KIF5B: variants seen among roughly 807,000 people sequenced by gnomAD.
The protein encoded by KIF5B is kinesin family member 5B.
In KIF5B, 49 loss-of-function variants were observed where a neutral mutation model predicts 132.8. The ratio of observed to expected loss-of-function variants is 0.37; its 90% CI spans 0.29 to 0.47. The LOEUF is 0.47. Ranked by LOEUF, KIF5B falls within the 20% of genes least tolerant of loss-of-function variation. The probability of loss-of-function intolerance (pLI) is 1.00; values close to 1 mark genes in which losing one functional copy is unlikely to be tolerated. For synonymous variants in KIF5B, 355 were observed against 369.4 expected, an observed-to-expected ratio of 0.96 and a Z score of 0.45; for missense variants, 780 against 1,144.0, an observed-to-expected ratio of 0.68 and a Z score of 4.59.
chr10:32,046,129 C>A (rs1351018705), intron 2 of KIF5B, among the ~76,000 whole-genome samples: 1 of 151,986 alleles, frequency 6.6e-6, no homozygotes, highest in Non-Finnish European at 1.5e-5. Flanking sequence ...TAAAGGTTTG[C>A]TCTCCAAAGT....
intron 2 of KIF5B, among the ~76,000 whole-genome samples, 169 bp from the exon 3 acceptor site, chr10:32,040,626 A>AACACACACACACAC (rs72393080): frequency 9.1e-5 from 13 of 142,180 alleles, no homozygotes; most frequent in African/African-American, 2.6e-4. Flanking sequence ...AACACCCTAA[A>AACACACACACACAC]ACACACACAC....
At chr10:32,018,223 C>G in intron 22 of KIF5B, 67 bp from the exon 23 acceptor site, 1 of 1,447,184 alleles carries the variant, frequency 6.9e-7, no homozygotes. Context: ...CAAAAATTGA[C>G]GTGACTGTAA....
At chr10:32,017,549 C>G (rs1414896068) in intron 23 of KIF5B, among the ~76,000 whole-genome samples, 190 bp from the exon 24 acceptor site, 1 of 152,210 alleles carries the variant, frequency 6.6e-6, no homozygotes, top group Non-Finnish European at 1.5e-5. Context: ...AGTTTATTCA[C>G]AAAGGTATAA....
In KIF5B at chr10:32,018,118, A is replaced by G; in HGVS notation, c.2478T>C (p.Ala826=). Residue 826 remains alanine (A), a synonymous_variant, in exon 23 of 26, where the codon GCT becomes GCC. Transcript: ENST00000302418. ...EIDSDDTGGS[A]AQKQKISFLE... ...GAAAGGAGATTTTTTGCTTCTGAGCAGCGCTGCCTCCGGTGTCATCAGAAT... is the reference window on the plus strand; with the variant it reads ...GAAAGGAGATTTTTTGCTTCTGAGCGGCGCTGCCTCCGGTGTCATCAGAAT... The G allele has an allele frequency of 6.2e-7, 1 of 1,612,176 alleles. No homozygotes were observed. The highest frequency in any genetic ancestry group is 8.5e-7 in the Non-Finnish European group (1 of 1,178,696).
At chr10:32,039,283 T>C (rs760449705) in intron 4 of KIF5B, 44 bp downstream of exon 4, 3 of 734,740 alleles carry the variant, frequency 4.1e-6, no homozygotes, top group Admixed American at 5.6e-5. Flanking sequence ...TAGAACATTA[T>C]TCTTGCTGTA....
chr10:32,047,324 A>C (rs1361256350), intron 2 of KIF5B, among the ~76,000 whole-genome samples: 1 of 151,692 alleles, frequency 6.6e-6, no homozygotes, highest in Non-Finnish European at 1.5e-5. Context: ...TAACTTAACC[A>C]CCTTAGATCC....
At chr10:32,014,571 T>G (rs557593364) in intron 25 of KIF5B, among the ~76,000 whole-genome samples, 22 of 144,398 alleles carry the variant, frequency 1.5e-4, no homozygotes, top group South Asian at 4.6e-4. Context: ...GAGAGAGAGA[T>G]AGTATATTGT....
rs753689396 is a variant in KIF5B at position 32,056,208 on chromosome 10, GC to G, written c.-236del. 7 of 484,446 alleles carry G rather than the reference GC, an allele frequency of 1.4e-5. No homozygotes were observed. Among genetic ancestry groups the G allele is most frequent in the Non-Finnish European group, 2.2e-5 (6 of 277,334 alleles). The allele number at this position is 484,446 out of a possible 1,614,324, so 30.0% of individuals were successfully genotyped here. On this transcript the variant is annotated 5_prime_UTR_variant, in exon 1 of 26. Coordinates refer to ENST00000302418, the MANE Select transcript of KIF5B (RefSeq NM_004521.3). Reference sequence around the variant, plus strand: ...ATCCATCATGGCAGCCATGGCGGCGGCAGCGGCGGCGGCACCGGGGAGAGCG... The same window carrying G: ...ATCCATCATGGCAGCCATGGCGGCGGAGCGGCGGCGGCACCGGGGAGAGCG...
intron 5 of KIF5B, 29 bp from the exon 6 acceptor site, chr10:32,038,247 A>ATTTGTT: frequency 6.6e-7 from 1 of 1,518,198 alleles, no homozygotes; most frequent in Non-Finnish European, 9.1e-7. Context: ...TGTTAGCAAC[A>ATTTGTT]TTCTCCTAAA....
Position 32,010,008 on chromosome 10 carries a change from G to A in KIF5B, c.*1529C>T, listed in dbSNP as rs1185198458. 1 of 151,884 alleles carries A rather than the reference G, an allele frequency of 6.6e-6. No individual in the cohort carries two copies. Among genetic ancestry groups the A allele is most frequent in the Admixed American group, 6.6e-5 (1 of 15,244 alleles). 9.4% of individuals were successfully genotyped at this position (151,884 alleles called of 1,614,324 possible). Reference sequence around the variant, plus strand: ...CAAAAGTGGAAATTACAATAGTTACGGAAATAGAAAAATAAGCCAATTATG... The same window carrying A: ...CAAAAGTGGAAATTACAATAGTTACAGAAATAGAAAAATAAGCCAATTATG... On this transcript the variant is annotated 3_prime_UTR_variant, in exon 26 of 26. Coordinates refer to ENST00000302418, the MANE Select transcript of KIF5B (RefSeq NM_004521.3).
At chr10:32,045,667 A>G (rs931112126) in intron 2 of KIF5B, among the ~76,000 whole-genome samples, 4 of 152,242 alleles carry the variant, frequency 2.6e-5, no homozygotes, top group African/African-American at 9.6e-5. Flanking sequence ...TTATGGAAAT[A>G]AGTATACCAA....
chr10:32,024,393 A>G (rs1431834020), intron 15 of KIF5B, among the ~76,000 whole-genome samples: 1 of 147,122 alleles, frequency 6.8e-6, no homozygotes, highest in African/African-American at 2.5e-5. Context: ...TGACCTCGTG[A>G]TCCGCCCGCC....
At position 32,048,457 on chromosome 10, in the gene KIF5B, T is replaced by C. The variant is rs1405570278; in HGVS notation, c.214+7A>G. Reference sequence around the variant, plus strand: ...CTGAGACAACTCAGCAGGTTGAATATATTTACCTTTAACAATCTTCTTTGC... The same window carrying C: ...CTGAGACAACTCAGCAGGTTGAATACATTTACCTTTAACAATCTTCTTTGC... On this transcript the variant is annotated splice_region_variant and intron_variant, in intron 2 of 25. Coordinates refer to ENST00000302418, the MANE Select transcript of KIF5B (RefSeq NM_004521.3). 2.5e-6 allele frequency: 4 copies of C among 1,586,460 alleles called. No individual in the cohort carries two copies. Among genetic ancestry groups the C allele is most frequent in the East Asian group, 2.2e-5 (1 of 44,630 alleles).
intron 25 of KIF5B, among the ~76,000 whole-genome samples, chr10:32,014,629 A>G (rs538211841): frequency 1.3e-5 from 2 of 152,310 alleles, no homozygotes; most frequent in Non-Finnish European, 1.5e-5. Flanking sequence ...TATGCCCTAC[A>G]AAGAACAGAT....
chr10:32,047,205 G>A (rs910153381), intron 2 of KIF5B, among the ~76,000 whole-genome samples: 4 of 151,748 alleles, frequency 2.6e-5, no homozygotes, highest in South Asian at 2.1e-4. Flanking sequence ...CTATTACTCC[G>A]TCCAGTACCC....
chr10:32,053,322 A>G (rs560368395), intron 1 of KIF5B, among the ~76,000 whole-genome samples: 52 of 152,176 alleles, frequency 3.4e-4, no homozygotes, highest in African/African-American at 1.1e-3. Context: ...TCGTTACTAT[A>G]TGCAAGAAAC....
intron 1 of KIF5B, among the ~76,000 whole-genome samples, chr10:32,051,713 G>T (rs542490384): frequency 8.5e-5 from 13 of 152,260 alleles, no homozygotes; most frequent in African/African-American, 3.1e-4. Context: ...TGATGATTTT[G>T]TAATACTAAG....
rs1564472870 is a variant in KIF5B at position 32,055,918 on chromosome 10, T to C, written c.56A>G (p.Asn19Ser). The C allele has an allele frequency of 1.2e-6, 2 of 1,612,350 alleles. No homozygotes were observed. Among genetic ancestry groups the C allele is most frequent in the Non-Finnish European group, 1.7e-6 (2 of 1,179,898 alleles). Residue 19 changes from asparagine (N) to serine (S), a missense_variant, in exon 1 of 26, where the codon AAC (asparagine) becomes AGC (serine). Physicochemically the swap from Asn to Ser is conservative, Grantham distance 46 (BLOSUM62 1). Transcript: ENST00000302418. ...IKVMCRFRPL[N>S]ESEVNRGDKY... ...GTCGCCGCGGTTCACTTCAGACTCG[T>C]TGAGAGGTCTGAAGCGACACATCAC...
chr10:32,028,373 C>T, intron 15 of KIF5B, 55 bp downstream of exon 15: 2 of 1,413,724 alleles, frequency 1.4e-6, no homozygotes, highest in Non-Finnish European at 2.0e-6. Context: ...TAGTAGTAAA[C>T]AAAAGTGCCA....
Sources: allele counts gnomAD v4.1 joint callset (sites outside exome capture counted in the v4.1 genomes callset), GRCh38; gene constraint gnomAD v4.1.1; transcripts MANE v1.5; gene names NCBI Gene and HGNC (gene_info 2026-07-23, HGNC 2026-07-21).